The following TRPC3 variants were observed in gnomAD, a reference collection of about 807,000 sequenced individuals.
TRPC3 encodes transient receptor potential cation channel subfamily C member 3, also known as short transient receptor potential channel 3.
A neutral mutation model predicts 90.9 loss-of-function variants in TRPC3; 54 were observed. The ratio of observed to expected loss-of-function variants is 0.59; its 90% CI spans 0.48 to 0.75. TRPC3 has a LOEUF of 0.75. Among genes scored for constraint, TRPC3 ranks in the 30% least tolerant of loss-of-function variants. The pLI is 0.00. For synonymous variants in TRPC3, 424 were observed against 450.9 expected, an observed-to-expected ratio of 0.94 and a Z score of 0.75; for missense variants, 918 against 1,194.5, an observed-to-expected ratio of 0.77 and a Z score of 3.41.
At chr4:121,923,303 T>C (rs1419226416) in intron 3 of TRPC3, among the ~76,000 whole-genome samples, 1 of 152,176 alleles carries the variant, frequency 6.6e-6, no homozygotes, top group Non-Finnish European at 1.5e-5. Context: ...CTGTGCCTGG[T>C]TCTGGGTGAG....
chr4:121,932,379 C>A lies in TRPC3; in HGVS notation c.879G>T (p.Gly293=). ...HSRSRINAYK[G]LASPAYLSLS... ...ATGAGAGGTAAGCCGGGCTGGCCAG[C>A]CCCTTGTAGGCATTGATCCTCGAGC... Residue 293 remains glycine, a synonymous_variant, in exon 2 of 12, where the codon GGG becomes GGT. Transcript: ENST00000379645. This position sits in a 1 kb window ranked among gnomAD's most constrained non-coding sequence, Gnocchi z 7.7. The A allele has an allele frequency of 6.2e-7, 1 of 1,614,148 alleles. No homozygotes were observed. The highest frequency in any genetic ancestry group is 8.5e-7 in the Non-Finnish European group (1 of 1,180,016).
At chr4:121,935,226 G>A (rs1373646736) in intron 1 of TRPC3, among the ~76,000 whole-genome samples, 4 of 151,744 alleles carry the variant, frequency 2.6e-5, no homozygotes, top group Non-Finnish European at 5.9e-5. Flanking sequence ...TTAATTCCTT[G>A]GTTGACAAAA....
chr4:121,915,824 C>T (rs1255866659), intron 3 of TRPC3, among the ~76,000 whole-genome samples: 2 of 152,046 alleles, frequency 1.3e-5, no homozygotes, highest in Non-Finnish European at 2.9e-5. Context: ...TGTAAAGGTC[C>T]CTATGCCAAA....
chr4:121,917,988 C>T (rs1479291713), intron 3 of TRPC3, among the ~76,000 whole-genome samples: 3 of 152,178 alleles, frequency 2.0e-5, no homozygotes, highest in Non-Finnish European at 4.4e-5. Flanking sequence ...TGGTAGCTAT[C>T]GTTTGAATGT....
chr4:121,940,657 T>G (rs1730276505), intron 1 of TRPC3, among the ~76,000 whole-genome samples: 1 of 152,246 alleles, frequency 6.6e-6, no homozygotes, highest in African/African-American at 2.4e-5. Flanking sequence ...CCCACAAGAT[T>G]CTGTTCAGTA....
intron 4 of TRPC3, among the ~76,000 whole-genome samples, chr4:121,913,223 G>T (rs947611091): frequency 6.6e-6 from 1 of 152,194 alleles, no homozygotes; most frequent in Non-Finnish European, 1.5e-5. Context: ...GGGCACGTTT[G>T]GGGGTAGCTT....
chr4:121,900,716 G>A (rs567204174), intron 9 of TRPC3, among the ~76,000 whole-genome samples: 107 of 152,336 alleles, frequency 7.0e-4, no homozygotes, highest in Non-Finnish European at 1.1e-3. Flanking sequence ...AATACATGAA[G>A]AGTATCTATG....
intron 1 of TRPC3, among the ~76,000 whole-genome samples, chr4:121,946,498 G>A (rs1349368129): frequency 6.6e-6 from 1 of 152,158 alleles, no homozygotes; most frequent in African/African-American, 2.4e-5. Context: ...TGACTTAGCG[G>A]TGAACAATGA....
intron 10 of TRPC3, among the ~76,000 whole-genome samples, chr4:121,891,801 A>G (rs1045510988): frequency 1.3e-5 from 2 of 152,126 alleles, no homozygotes; most frequent in Non-Finnish European, 2.9e-5. Context: ...ACCTTTAGCA[A>G]CCCAAACACT....
At chr4:121,920,455 T>C (rs953726134) in intron 3 of TRPC3, among the ~76,000 whole-genome samples, 1 of 151,574 alleles carries the variant, frequency 6.6e-6, no homozygotes, top group Non-Finnish European at 1.5e-5. Flanking sequence ...ACCTGGGAGG[T>C]GGAGGTTGCA....
intron 1 of TRPC3, among the ~76,000 whole-genome samples, chr4:121,936,940 T>G (rs1279322374): frequency 1.3e-5 from 2 of 152,230 alleles, no homozygotes; most frequent in Admixed American, 1.3e-4. Flanking sequence ...ATTTTTTTCA[T>G]GCTTTGTGGG....
chr4:121,923,502 C>T lies in TRPC3; in HGVS notation c.1176+1516G>A, dbSNP rs142916175. Among the ~76,000 whole-genome samples, 239 of 152,280 alleles carry T rather than the reference C, an allele frequency of 1.6e-3. 1 individual carries two copies. The highest frequency in any genetic ancestry group is 5.4e-3 in the African/African-American group (224 of 41,520). ...GGATTAACTAGCTTAAGAGTCATCA[C>T]TCTGGGTATGAATTTTCATAATGTA... On this transcript the variant is annotated intron_variant, in intron 3 of 11. Coordinates refer to ENST00000379645, the MANE Select transcript of TRPC3 (RefSeq NM_001130698.2).
At chr4:121,946,717 G>A (rs1318605417) in intron 1 of TRPC3, among the ~76,000 whole-genome samples, 2 of 152,140 alleles carry the variant, frequency 1.3e-5, no homozygotes, top group African/African-American at 2.4e-5. Context: ...AAGGGACCAG[G>A]GAATTGCTGG....
chr4:121,911,241 A>T (rs551190008), intron 5 of TRPC3, among the ~76,000 whole-genome samples: 1 of 152,322 alleles, frequency 6.6e-6, no homozygotes, highest in East Asian at 1.9e-4. Context: ...TACAAAAATG[A>T]CTTCGGATTA....
intron 5 of TRPC3, 56 bp from the exon 6 acceptor site, chr4:121,910,443 C>T: frequency 7.1e-7 from 1 of 1,405,274 alleles, no homozygotes; most frequent in Non-Finnish European, 1.0e-6. Context: ...GACTGAGAAG[C>T]CATTATTGTG....
Position 121,904,397 on chromosome 4 carries a change from T to A in TRPC3, c.2178A>T (p.Ile726=), listed in dbSNP as rs756184195. The A allele has an allele frequency of 2.5e-6, 4 of 1,607,190 alleles. No homozygotes were observed. Among genetic ancestry groups the A allele is most frequent in the Non-Finnish European group, 3.4e-6 (4 of 1,178,260 alleles). The change falls in exon 8 of 12, where the codon ATA becomes ATT. Residue 726 remains isoleucine, a synonymous_variant. Coordinates refer to ENST00000379645, the MANE Select transcript of TRPC3 (RefSeq NM_001130698.2). The stretch of plus-strand genomic sequence containing the variant: ...AAACGACCACCATAGTTACATTGTA[T>A]ATTCCATAAAGAACGTATCCAATAT... ...IENIGYVLYG[I]YNVTMVVVLL...
At position 121,888,186 on chromosome 4, in the gene TRPC3, C is replaced by T. The variant is rs187619480; in HGVS notation, c.2548-5757G>A. Among the ~76,000 whole-genome samples, 390 of 152,192 alleles carry T rather than the reference C, an allele frequency of 2.6e-3. 2 individuals are homozygous for T. Among genetic ancestry groups the T allele is most frequent in the African/African-American group, 8.9e-3 (371 of 41,534 alleles). On this transcript the variant is annotated intron_variant, in intron 10 of 11. Transcript: ENST00000379645. Reference sequence around the variant, plus strand: ...TGATCAAAACATTTTTGAAACTCTTCCGCTGTGGCCCCTTGGGGCATATTT... The same window carrying T: ...TGATCAAAACATTTTTGAAACTCTTTCGCTGTGGCCCCTTGGGGCATATTT...
intron 11 of TRPC3, among the ~76,000 whole-genome samples, chr4:121,881,871 G>A (rs1020317345): frequency 6.6e-6 from 1 of 152,106 alleles, no homozygotes; most frequent in African/African-American, 2.4e-5. Context: ...AAGTAAGGAG[G>A]CAGGGGGGAA....
At chr4:121,899,565 A>G (rs746561144) in intron 10 of TRPC3, 47 bp downstream of exon 10, 2 of 1,490,434 alleles carry the variant, frequency 1.3e-6, no homozygotes, top group South Asian at 2.3e-5. Context: ...ACGCAGACAT[A>G]TATGGAATCA....
Sources: allele counts gnomAD v4.1 joint callset (sites outside exome capture counted in the v4.1 genomes callset), GRCh38; gene constraint gnomAD v4.1.1; non-coding constraint Gnocchi (gnomAD v3.1); transcripts MANE v1.5; gene names NCBI Gene and HGNC (gene_info 2026-07-23, HGNC 2026-07-21).